Variants in SMG7 observed in about 807,000 individuals in gnomAD.
SMG7 encodes nonsense-mediated mRNA decay factor SMG7.
A neutral mutation model predicts 148.2 loss-of-function variants in SMG7; 34 were observed. The ratio of observed to expected loss-of-function variants is 0.23; its 90% CI spans 0.17 to 0.31. The LOEUF is 0.31. Ranked by LOEUF, SMG7 falls within the 10% of genes least tolerant of loss-of-function variation. The pLI, the probability that SMG7 is intolerant of heterozygous loss-of-function variation, is 1.00. For synonymous variants in SMG7, 492 were observed against 515.1 expected, an observed-to-expected ratio of 0.96 and a Z score of 0.61; for missense variants, 1,114 against 1,408.4, an observed-to-expected ratio of 0.79 and a Z score of 3.35.
intron 18 of SMG7, 22 bp from the exon 19 acceptor site, chr1:183,549,186 C>A: frequency 6.3e-7 from 1 of 1,576,768 alleles, no homozygotes; most frequent in Non-Finnish European, 8.7e-7. Context: ...ACTTAATTAC[C>A]TTTTTTTCTG....
rs1477698304 is a variant in SMG7 at position 183,506,521 on chromosome 1, C to T, written c.30-6316C>T. On this transcript the variant is annotated intron_variant, in intron 1 of 22. Transcript: ENST00000688051. ...CTTACTTTATGTCTGGCCAATTATT[C>T]AGCATAAATAATTATGATTAGATTA... Among the ~76,000 whole-genome samples the T allele has an allele frequency of 2.0e-5, 3 of 151,968 alleles. No homozygotes were observed. The East Asian group carries it at 5.8e-4, about 29-fold the overall frequency.
intron 1 of SMG7, among the ~76,000 whole-genome samples, chr1:183,501,835 C>T (rs1425971832): frequency 3.3e-5 from 5 of 152,132 alleles, no homozygotes; most frequent in African/African-American, 1.2e-4. Flanking sequence ...TTCATACTAC[C>T]TATAATTGTG....
intron 8 of SMG7, among the ~76,000 whole-genome samples, chr1:183,530,762 ATTAT>A (rs530424712): frequency 1.4e-4 from 22 of 152,252 alleles, no homozygotes; most frequent in Admixed American, 1.3e-3. Flanking sequence ...TCTTTCTTGG[ATTAT>A]TTAAGTGCAG....
Position 183,525,968 on chromosome 1 carries a change from TTTGC to T in SMG7, c.313-621_313-618del, listed in dbSNP as rs375026848. ...TGGGTTTCTGAGAGTAGTAGCTTTC[TTTGC>T]TTGCTTAATGTGTCTGAAAATCGTG... On this transcript the variant is annotated intron_variant, in intron 4 of 22. Transcript: ENST00000688051. 2.0e-3 allele frequency among the ~76,000 whole-genome samples: 298 copies of T among 152,230 alleles called. 1 individual carries two copies. Among genetic ancestry groups the T allele is most frequent in the African/African-American group, 6.9e-3 (287 of 41,550 alleles).
intron 1 of SMG7, among the ~76,000 whole-genome samples, chr1:183,482,502 T>C (rs781377862): frequency 7.9e-5 from 12 of 152,054 alleles, no homozygotes; most frequent in Non-Finnish European, 1.8e-4. Context: ...ATGACAGTGT[T>C]AGTGAGTACA....
chr1:183,538,741 CTT>C (rs887768085), intron 12 of SMG7, among the ~76,000 whole-genome samples: 8 of 152,254 alleles, frequency 5.3e-5, no homozygotes, highest in African/African-American at 1.9e-4. Context: ...AGTGTCTTGT[CTT>C]TCTTTCCTTT....
At chr1:183,528,602 G>A (rs1666317276) in intron 6 of SMG7, among the ~76,000 whole-genome samples, 1 of 152,114 alleles carries the variant, frequency 6.6e-6, no homozygotes, top group African/African-American at 2.4e-5. Context: ...TGGCAGAGTT[G>A]AGTGGTTGTG....
At chr1:183,530,253 G>A (rs1344264212) in intron 8 of SMG7, among the ~76,000 whole-genome samples, 2 of 152,036 alleles carry the variant, frequency 1.3e-5, no homozygotes, top group African/African-American at 4.8e-5. Context: ...ATATACTTGG[G>A]TAATTGTGTA....
chr1:183,483,635 G>A (rs1392806263), intron 1 of SMG7, among the ~76,000 whole-genome samples: 6 of 152,056 alleles, frequency 3.9e-5, no homozygotes, highest in Non-Finnish European at 1.5e-5. Flanking sequence ...ATATTATGAG[G>A]TGAAATTTTT....
At position 183,544,997 on chromosome 1, in the gene SMG7, C is replaced by T. The variant is rs1163993684; in HGVS notation, c.2055C>T (p.Phe685=). 1.9e-6 allele frequency: 3 copies of T among 1,613,962 alleles called. No individual in the cohort carries two copies. Among genetic ancestry groups the T allele is most frequent in the Admixed American group, 3.3e-5 (2 of 60,006 alleles). The change falls in exon 16 of 23, where the codon TTC becomes TTT. Residue 685 remains phenylalanine (F), a synonymous_variant. Transcript: ENST00000688051. ...VAFSMGSGYT[F]PAGVSVPGTF... ...TTTCTATGGGCTCAGGTTACACCTT[C>T]CCAGCTGGTGTTTCTGTCCCAGGAA...
chr1:183,534,170 G>T (rs2102649956), intron 10 of SMG7, among the ~76,000 whole-genome samples: 1 of 150,164 alleles, frequency 6.7e-6, no homozygotes, highest in Non-Finnish European at 1.5e-5. Flanking sequence ...TTTTTTGTTT[G>T]AGTTGAAGGG....
intron 22 of SMG7, 90 bp from the exon 23 acceptor site, chr1:183,551,728 A>G (rs915863577): frequency 7.1e-6 from 7 of 987,954 alleles, no homozygotes; most frequent in African/African-American, 1.6e-5. Context: ...GGGGCCATAT[A>G]TATGCCTTTA....
At chr1:183,509,069 G>A (rs1470381746) in intron 1 of SMG7, among the ~76,000 whole-genome samples, 2 of 152,078 alleles carry the variant, frequency 1.3e-5, no homozygotes, top group Admixed American at 6.6e-5. Flanking sequence ...GGGTTGGTGG[G>A]CCATGTGGTT....
At chr1:183,518,447 A>G (rs1404272396) in intron 4 of SMG7, among the ~76,000 whole-genome samples, 1 of 148,904 alleles carries the variant, frequency 6.7e-6, no homozygotes. Flanking sequence ...GGATATAGCT[A>G]TAGTCATTAA....
intron 15 of SMG7, among the ~76,000 whole-genome samples, chr1:183,544,729 C>T (rs920412132): frequency 2.6e-5 from 4 of 152,132 alleles, no homozygotes; most frequent in Admixed American, 1.3e-4. Flanking sequence ...ACTCACAGAA[C>T]ACTGATTACT....
rs539210481 is a variant in SMG7 at position 183,533,735 on chromosome 1, T to TACA, written c.1068_1070dup (p.Asn357dup). On this transcript the variant is annotated inframe_insertion, in exon 10 of 23. Transcript: ENST00000688051. ...ACAGAATGAGTCTCAGGAGGAGTCC[T>TACA]ACAATGCCTATCCTCTTCCAGCAGT... 2.0e-3 allele frequency: 3,196 copies of TACA among 1,613,660 alleles called. 62 individuals are homozygous for TACA. In the African/African-American group the frequency reaches 0.039, roughly 20 times the overall value.
At chr1:183,499,177 G>A (rs1240915375) in intron 1 of SMG7, among the ~76,000 whole-genome samples, 4 of 152,176 alleles carry the variant, frequency 2.6e-5, no homozygotes, top group African/African-American at 9.7e-5. Context: ...TTCAGTAGGT[G>A]AATGGATAAA....
chr1:183,548,398 C>T (rs789178), intron 18 of SMG7, among the ~76,000 whole-genome samples: 10,298 of 152,178 alleles, frequency 0.068, 1,150 homozygotes, highest in African/African-American at 0.23. Context: ...CTTCTCTGTC[C>T]ACTTGTTTCC....
intron 1 of SMG7, among the ~76,000 whole-genome samples, chr1:183,489,519 C>T (rs1306685096): frequency 6.6e-6 from 1 of 151,874 alleles, no homozygotes; most frequent in Non-Finnish European, 1.5e-5. Flanking sequence ...TGATGTTGAC[C>T]ATAGAGAAAT....
Sources: allele counts gnomAD v4.1 joint callset (sites outside exome capture counted in the v4.1 genomes callset), GRCh38; gene constraint gnomAD v4.1.1; transcripts MANE v1.5; gene names NCBI Gene and HGNC (gene_info 2026-07-23, HGNC 2026-07-21).